Variants in SLC36A1 observed in about 807,000 individuals in gnomAD.
SLC36A1 encodes solute carrier family 36 member 1.
SLC36A1 carries 30 observed loss-of-function variants against 47.5 expected under a neutral mutation model. That is an observed-to-expected ratio of 0.63 (90% confidence interval 0.47 to 0.86). The LOEUF (loss-of-function observed/expected upper bound fraction) is 0.86. SLC36A1 is among the 40% of genes least tolerant of loss of function. SLC36A1 has a pLI of 0.00. For missense variants in SLC36A1, 517 were observed against 606.0 expected (o/e 0.85, Z 1.54); for synonymous variants, 255 against 249.7 (o/e 1.02, Z -0.20).
chr5:151,442,895 A>G (rs1013211729), upstream of SLC36A1, among the ~76,000 whole-genome samples: 3 of 152,100 alleles, frequency 2.0e-5, no homozygotes, highest in African/African-American at 7.2e-5. Context: ...AGAGCATGCA[A>G]TATTTTTTCT....
chr5:151,512,446 G>A, the SLC36A1 span: 1 of 1,614,250 alleles, frequency 6.2e-7, no homozygotes, highest in Non-Finnish European at 8.5e-7. This position sits in a 1 kb window ranked among gnomAD's most constrained non-coding sequence, Gnocchi z 4.1. Flanking sequence ...GACCACAAGG[G>A]AGGTGTTGCC....
At chr5:151,507,683 A>C in the SLC36A1 span, 1 of 1,378,564 alleles carries the variant, frequency 7.3e-7, no homozygotes, top group Non-Finnish European at 9.7e-7. Context: ...ACAGAGATCT[A>C]TGGGATAGAG....
At chr5:151,393,266 T>C in the SLC36A1 span, among the ~76,000 whole-genome samples, 1 of 152,174 alleles carries the variant, frequency 6.6e-6, no homozygotes, top group African/African-American at 2.4e-5. Context: ...TAGTTCTTCC[T>C]CCATCCCTTT....
chr5:151,445,296 T>A (rs1285729111), upstream of SLC36A1, among the ~76,000 whole-genome samples: 1 of 152,244 alleles, frequency 6.6e-6, no homozygotes, highest in Non-Finnish European at 1.5e-5. Context: ...TTGATTAGTG[T>A]ATGTTAAACC....
chr5:151,519,751 A>C, the SLC36A1 span, among the ~76,000 whole-genome samples: 10 of 152,146 alleles, frequency 6.6e-5, no homozygotes, highest in Non-Finnish European at 1.5e-4. Flanking sequence ...TATTTCACTA[A>C]AATGTTAAAA....
At chr5:151,492,933 T>G (rs1435122532), downstream of SLC36A1, among the ~76,000 whole-genome samples, 6 of 152,180 alleles carry the variant, frequency 3.9e-5, no homozygotes, top group Admixed American at 3.9e-4. Context: ...CTCGCAGACT[T>G]GCCGACTCAT....
At chr5:151,423,903 A>C in the SLC36A1 span, among the ~76,000 whole-genome samples, 1 of 152,160 alleles carries the variant, frequency 6.6e-6, no homozygotes, top group African/African-American at 2.4e-5. Context: ...GGTATATGGG[A>C]AATCTCTGTA....
chr5:151,456,775 A>G (rs1754590399), intron 1 of SLC36A1, among the ~76,000 whole-genome samples: 2 of 152,054 alleles, frequency 1.3e-5, no homozygotes, highest in South Asian at 2.1e-4. Flanking sequence ...CTACATTGCA[A>G]TTGTTGAGAG....
chr5:151,403,505 C>T, the SLC36A1 span, among the ~76,000 whole-genome samples: 2 of 152,168 alleles, frequency 1.3e-5, no homozygotes, highest in African/African-American at 2.4e-5. Context: ...GTGCTCTTTC[C>T]GTGTGACCTG....
chr5:151,550,740 G>T, the SLC36A1 span: 1 of 1,614,036 alleles, frequency 6.2e-7, no homozygotes, highest in Admixed American at 1.7e-5. Context: ...TTTTGCCCTT[G>T]TCTTGATCTA....
the SLC36A1 span, chr5:151,505,646 G>C: frequency 5.6e-6 from 9 of 1,614,006 alleles, 1 homozygote; most frequent in African/African-American, 8.0e-5. Context: ...CCCGGGGCTG[G>C]CCCTGGCCTG....
the SLC36A1 span, chr5:151,382,474 G>A: frequency 1.3e-5 from 7 of 547,936 alleles, no homozygotes. Flanking sequence ...TCAAAGATGG[G>A]GTTAAATGCA....
the SLC36A1 span, chr5:151,382,433 T>C: frequency 1.6e-6 from 1 of 614,348 alleles, no homozygotes; most frequent in East Asian, 2.7e-5. Context: ...TAGGGATAGA[T>C]GTGTTAGTCT....
the SLC36A1 span, among the ~76,000 whole-genome samples, chr5:151,534,061 A>G: frequency 6.6e-6 from 1 of 152,178 alleles, no homozygotes; most frequent in South Asian, 2.1e-4. Flanking sequence ...GAGGCAAATC[A>G]ATCAGAATTG....
the SLC36A1 span, among the ~76,000 whole-genome samples, chr5:151,374,909 G>GTT: frequency 4.2e-5 from 6 of 142,484 alleles, no homozygotes; most frequent in South Asian, 2.2e-4. Flanking sequence ...TAATGTTGGG[G>GTT]TTTTTTTTTT....
chr5:151,483,521 G>GC (rs1554117445), intron 10 of SLC36A1, among the ~76,000 whole-genome samples: 3 of 109,460 alleles, frequency 2.7e-5, no homozygotes, highest in South Asian at 5.1e-4. Context: ...TGTGTGTGGG[G>GC]GGGGTGATTA....
upstream of SLC36A1, among the ~76,000 whole-genome samples, chr5:151,436,824 C>T (rs1000723846): frequency 4.2e-4 from 64 of 152,050 alleles, no homozygotes; most frequent in African/African-American, 1.5e-3. Context: ...CTGAACTTCT[C>T]CTATTCATTT....
At chr5:151,367,360 C>CTTTTTTTTTTTTTTTTTTTT in the SLC36A1 span, among the ~76,000 whole-genome samples, 2 of 64,368 alleles carry the variant, frequency 3.1e-5, no homozygotes, top group Non-Finnish European at 5.7e-5. Flanking sequence ...CCCAGGAATG[C>CTTTTTTTTTTTTTTTTTTTT]ATTTTTTTTT....
chr5:151,496,259 T>G (rs1279421591), downstream of SLC36A1, among the ~76,000 whole-genome samples: 1 of 152,212 alleles, frequency 6.6e-6, no homozygotes, highest in Non-Finnish European at 1.5e-5. Flanking sequence ...GCTTAAGATG[T>G]GACCTGCTCC....
Sources: allele counts gnomAD v4.1 joint callset (sites outside exome capture counted in the v4.1 genomes callset), GRCh38; gene constraint gnomAD v4.1.1; non-coding constraint Gnocchi (gnomAD v3.1); transcripts MANE v1.5; gene names NCBI Gene and HGNC (gene_info 2026-07-23, HGNC 2026-07-21).